The following CNOT3 variants were observed in gnomAD, a reference collection of about 807,000 sequenced individuals.
CNOT3 encodes the protein CCR4-NOT transcription complex subunit 3, also known as CCR4-associated factor 3.
CNOT3 carries 2 observed loss-of-function variants against 89.4 expected under a neutral mutation model. That is an observed-to-expected ratio of 0.02 (90% confidence interval 0.01 to 0.07). The LOEUF is 0.07. Ranked by LOEUF, CNOT3 falls within the 10% of genes least tolerant of loss-of-function variation. CNOT3 has a pLI of 1.00. For missense variants in CNOT3, 664 were observed against 1,010.2 expected (o/e 0.66, Z 4.65); for synonymous variants, 486 against 402.0 (o/e 1.21, Z -2.50).
chr19:54,140,469 T>G (rs747729071), intron 1 of CNOT3, among the ~76,000 whole-genome samples: 5 of 152,168 alleles, frequency 3.3e-5, no homozygotes, highest in Admixed American at 3.3e-4. Flanking sequence ...AATGGGGCTC[T>G]TTCTTCTCTG....
intron 13 of CNOT3, 72 bp downstream of exon 13, chr19:54,149,830 G>A (rs2074962599): frequency 3.6e-6 from 5 of 1,405,932 alleles, no homozygotes; most frequent in Admixed American, 2.3e-5. Context: ...GTCTCTAGCT[G>A]CACCCCTTGC....
Position 54,144,216 on chromosome 19 carries a change from C to CTCT in CNOT3, c.388-18_388-16dup, listed in dbSNP as rs759611036. ...GGCGGAACCCTAGCTGATGGGCTTC[C>CTCT]TCTTCCTCTCCCTCCCCTAGAATAC... On this transcript the variant is annotated intron_variant, in intron 6 of 17. Coordinates refer to ENST00000221232, the MANE Select transcript of CNOT3 (RefSeq NM_014516.4). This position sits in a 1 kb window ranked among gnomAD's most constrained non-coding sequence, Gnocchi z 4.8. 6.2e-7 allele frequency: 1 copy of CTCT among 1,613,750 alleles called. No individual in the cohort carries two copies. The highest frequency in any genetic ancestry group is 1.3e-5 in the African/African-American group (1 of 75,040).
chr19:54,144,440 C>G lies in CNOT3; in HGVS notation c.483+108C>G, dbSNP rs759963006. ...CCTGGGAGTTGGGGCCTGGATTCCT[C>G]AGGCGGACAGGGCCAACAGCCGGGA... On this transcript the variant is annotated intron_variant, in intron 7 of 17. Coordinates refer to ENST00000221232, the MANE Select transcript of CNOT3 (RefSeq NM_014516.4). This position sits in a 1 kb window ranked among gnomAD's most constrained non-coding sequence, Gnocchi z 4.8. 2.7e-5 allele frequency: 22 copies of G among 804,194 alleles called. No individual in the cohort carries two copies. Among genetic ancestry groups the G allele is most frequent in the Non-Finnish European group, 4.4e-5 (21 of 476,090 alleles). The allele number at this position is 804,194 out of a possible 1,614,324, so 49.8% of individuals were successfully genotyped here.
rs1465338452 is a variant in CNOT3, at chr19:54,146,060, C to G, written c.837+17C>G. 1 of 1,611,626 alleles carries G rather than the reference C, an allele frequency of 6.2e-7. No homozygotes were observed. Among genetic ancestry groups the G allele is most frequent in the Non-Finnish European group, 8.5e-7 (1 of 1,179,176 alleles). On this transcript the variant is annotated intron_variant, in intron 9 of 17. Coordinates refer to ENST00000221232, the MANE Select transcript of CNOT3 (RefSeq NM_014516.4). ...TGTACCACGGTGAGGCCCCACGGGA[C>G]ACTAGTACCTTGTGTTTCCAGCAGG...
intron 15 of CNOT3, 101 bp downstream of exon 15, chr19:54,152,727 C>T (rs1269968294): frequency 1.4e-5 from 15 of 1,087,196 alleles, no homozygotes; most frequent in Non-Finnish European, 2.0e-5. Context: ...AGGCCCCTGA[C>T]TTGGGCTCTC....
rs1225901194 is a variant in CNOT3 at position 54,148,726 on chromosome 19, C to A, written c.1389C>A (p.Asn463Lys). The change falls in exon 12 of 18, where the codon AAC (asparagine) becomes AAA (lysine). Residue 463 changes from asparagine to lysine, a missense_variant. Around this residue, in one of 8 missense-constraint regions of CNOT3, gnomAD observed 545 missense variants for 566.2 expected, o/e 0.96. Coordinates refer to ENST00000221232, the MANE Select transcript of CNOT3 (RefSeq NM_014516.4). This position sits in a 1 kb window ranked among gnomAD's most constrained non-coding sequence, Gnocchi z 6.3. ...TGGGCCCCCCTTCCGGCCCCCACAA[C>A]CCACCTCCCAGCACCTCGTGAGTGT... The part of the protein sequence containing the change: ...QALGPPSGPH[N>K]PPPSTSKEPS... 4 of 1,611,740 alleles carry A rather than the reference C, an allele frequency of 2.5e-6. No homozygotes were observed. The African/African-American group carries it at 5.3e-5, about 22-fold the overall frequency.
In CNOT3 at chr19:54,142,684, A is replaced by G. The variant is rs933165298; in HGVS notation, c.-50-245A>G. 5.2e-5 allele frequency: 30 copies of G among 579,236 alleles called. No individual in the cohort carries two copies. In the Admixed American group the frequency reaches 8.4e-4, roughly 16 times the overall value. 35.9% of individuals were successfully genotyped at this position (579,236 alleles called of 1,614,324 possible). A position where few individuals can be genotyped will look rare whatever the true frequency, so the allele number is the denominator to read the frequency against. On this transcript the variant is annotated intron_variant, in intron 1 of 17. Coordinates refer to ENST00000221232, the MANE Select transcript of CNOT3 (RefSeq NM_014516.4). ...CTAGGAATTTTCCACTTCCTGAGTC[A>G]GAGGCACACAAAAAAGTATGTAACT...
chr19:54,149,671 C>T lies in CNOT3; in HGVS notation c.1518C>T (p.Ser506=). The T allele has an allele frequency of 6.2e-7, 1 of 1,614,120 alleles. No individual in the cohort carries two copies. The highest frequency in any genetic ancestry group is 1.7e-5 in the Admixed American group (1 of 60,028). The change falls in exon 13 of 18, where the codon AGC becomes AGT. Residue 506 remains serine, a synonymous_variant. Transcript: ENST00000221232. ...TGCCACTGCCTGTGAATCCTCCCAGCTCCCCAACGCCCAGCTTCAGTGATG... is the reference window on the plus strand; with the variant it reads ...TGCCACTGCCTGTGAATCCTCCCAGTTCCCCAACGCCCAGCTTCAGTGATG... The part of the protein sequence containing the change: ...LLVPLPVNPP[S]SPTPSFSDAK...
intron 12 of CNOT3, among the ~76,000 whole-genome samples, chr19:54,149,209 G>C (rs2074902788): frequency 6.6e-6 from 1 of 152,152 alleles, no homozygotes; most frequent in Non-Finnish European, 1.5e-5. Context: ...GGAAAGGCCT[G>C]CTTCCTGCCC....
chr19:54,152,638 C>T lies in CNOT3; in HGVS notation c.1904+12C>T. 1.2e-6 allele frequency: 2 copies of T among 1,600,110 alleles called. No individual in the cohort carries two copies. Among genetic ancestry groups the T allele is most frequent in the Non-Finnish European group, 1.7e-6 (2 of 1,169,666 alleles). On this transcript the variant is annotated intron_variant, in intron 15 of 17. Coordinates refer to ENST00000221232, the MANE Select transcript of CNOT3 (RefSeq NM_014516.4). ...TCTGAGCGTATTCGGTGAGGGGCCA[C>T]AGGGAAGGGGGATGGTCTGGGACTT...
chr19:54,154,030 C>G (rs538760714), intron 17 of CNOT3, 190 bp downstream of exon 17: 1 of 778,904 alleles, frequency 1.3e-6, no homozygotes, highest in East Asian at 2.7e-5. Flanking sequence ...CTCCACTTGG[C>G]CAGCTCCTAG....
rs999836741 is a variant in CNOT3 at position 54,146,528 on chromosome 19, A to C, written c.838-73A>C. ...TCAATTGGGCCCAGGTCCCCGGGGC[A>C]TTCAGAGATTGGCGGTTCTCCATCA... On this transcript the variant is annotated intron_variant, in intron 9 of 17. Transcript: ENST00000221232. 9.8e-6 allele frequency: 8 copies of C among 814,038 alleles called. No individual in the cohort carries two copies. In the East Asian group the frequency reaches 1.9e-4, roughly 20 times the overall value. 50.4% of individuals were successfully genotyped at this position (814,038 alleles called of 1,614,324 possible). A position where few individuals can be genotyped will look rare whatever the true frequency, so the allele number is the denominator to read the frequency against.
chr19:54,148,230 GC>G lies in CNOT3; in HGVS notation c.983del (p.Pro328ArgfsTer7). The G allele has an allele frequency of 3.1e-6, 5 of 1,597,560 alleles. No individual in the cohort carries two copies. The highest frequency in any genetic ancestry group is 1.1e-5 in the South Asian group (1 of 88,854). ...GCTGTGCCGCCCACCTACCCCTCCGGCCCCCCGCCTGCTGCCTCTGCCTTGA... is the reference window on the plus strand; with the variant it reads ...GCTGTGCCGCCCACCTACCCCTCCGGCCCCCGCCTGCTGCCTCTGCCTTGA... ...SPAVPPTYPS[G>X]PPPAASALST... On this transcript the variant is annotated frameshift_variant, in exon 11 of 18. Transcript: ENST00000221232. LOFTEE classifies it high-confidence loss of function. This position sits in a 1 kb window ranked among gnomAD's most constrained non-coding sequence, Gnocchi z 6.3.
At chr19:54,151,763 T>A (rs979317523) in intron 13 of CNOT3, among the ~76,000 whole-genome samples, 1 of 152,186 alleles carries the variant, frequency 6.6e-6, no homozygotes. Context: ...CCCACCCCGA[T>A]TCCAGTCACC....
Position 54,143,458 on chromosome 19 carries a change from A to C in CNOT3, c.110A>C (p.Asn37Thr), listed in dbSNP as rs1243909498. Residue 37 changes from asparagine (N) to threonine (T), a missense_variant, in exon 4 of 18, where the codon AAC (asparagine) becomes ACC (threonine). This residue lies in a region of CNOT3 where 27 missense variants were observed against 158.2 expected (regional missense o/e 0.17). Coordinates refer to ENST00000221232, the MANE Select transcript of CNOT3 (RefSeq NM_014516.4). ...DIWQKLHNAA[N>T]ANQKEKYEAD... ...ATCCCTCAGCTCCACAATGCAGCCA[A>C]CGCGAACCAGAAAGAAAAGTATGAG... 1 of 1,614,072 alleles carries C rather than the reference A, an allele frequency of 6.2e-7. No individual in the cohort carries two copies. The highest frequency in any genetic ancestry group is 8.5e-7 in the Non-Finnish European group (1 of 1,180,008).
chr19:54,153,322 C>T, intron 16 of CNOT3: 1 of 762,582 alleles, frequency 1.3e-6, no homozygotes, highest in Non-Finnish European at 2.4e-6. Flanking sequence ...GCCGACCCCA[C>T]TCTGCTCATT....
At chr19:54,150,153 G>A (rs2146697341) in intron 13 of CNOT3, among the ~76,000 whole-genome samples, 1 of 152,270 alleles carries the variant, frequency 6.6e-6, no homozygotes, top group Admixed American at 6.5e-5. Context: ...GGTGAATGCA[G>A]CCTGGTTCCA....
chr19:54,151,318 G>A (rs587774494), intron 13 of CNOT3, among the ~76,000 whole-genome samples: 2 of 152,280 alleles, frequency 1.3e-5, no homozygotes, highest in South Asian at 4.1e-4. Flanking sequence ...GGACAGGATA[G>A]AGGGAGGGTG....
At chr19:54,138,232 C>T (rs1226347424) in intron 1 of CNOT3, among the ~76,000 whole-genome samples, 3 of 151,780 alleles carry the variant, frequency 2.0e-5, no homozygotes, top group East Asian at 2.0e-4. Flanking sequence ...CCCGGGGGTC[C>T]TTCCGCGACC....
Sources: allele counts gnomAD v4.1 joint callset (sites outside exome capture counted in the v4.1 genomes callset), GRCh38; gene constraint gnomAD v4.1.1; regional missense constraint gnomAD v4.1.1; non-coding constraint Gnocchi (gnomAD v3.1); transcripts MANE v1.5; gene names NCBI Gene and HGNC (gene_info 2026-07-23, HGNC 2026-07-21).